Variants in PCDH15 observed in about 807,000 individuals in gnomAD.
PCDH15 encodes the protein protocadherin related 15.
In PCDH15, 129 loss-of-function variants were observed where a neutral mutation model predicts 178.5. The observed-to-expected ratio is 0.72, with a 90% confidence interval of 0.63 to 0.84. The LOEUF is 0.84. Ranked by LOEUF, PCDH15 falls within the 40% of genes least tolerant of loss-of-function variation. PCDH15 has a pLI of 0.00. For missense variants in PCDH15, 2,230 were observed against 2,099.9 expected, an observed-to-expected ratio of 1.06 and a Z score of -1.21; for synonymous variants, 800 against 732.0, an observed-to-expected ratio of 1.09 and a Z score of -1.50.
intron 26 of PCDH15, among the ~76,000 whole-genome samples, chr10:53,891,528 T>C (rs1444263374): frequency 6.6e-6 from 1 of 152,192 alleles, no homozygotes; most frequent in Non-Finnish European, 1.5e-5. Flanking sequence ...CTTTAAAATA[T>C]ATGAGCCACC....
chr10:55,450,804 C>T (rs1450767850), intron 2 of PCDH15, among the ~76,000 whole-genome samples: 2 of 151,892 alleles, frequency 1.3e-5, no homozygotes, highest in African/African-American at 4.8e-5. Context: ...AAAAAAGAGA[C>T]TGGTTCCGAT....
intron 8 of PCDH15, among the ~76,000 whole-genome samples, chr10:54,249,409 T>C (rs1337551456): frequency 6.6e-6 from 1 of 152,170 alleles, no homozygotes; most frequent in African/African-American, 2.4e-5. Context: ...AGAGTGTTGC[T>C]AGTTAAGCAT....
intron 13 of PCDH15, among the ~76,000 whole-genome samples, chr10:54,181,526 C>A (rs1235813614): frequency 6.6e-6 from 1 of 151,982 alleles, no homozygotes; most frequent in African/African-American, 2.4e-5. Context: ...GTTAATTTTT[C>A]AATTGTCTCT....
chr10:54,589,534 T>TTTTATTG (rs2091741112), intron 2 of PCDH15, among the ~76,000 whole-genome samples: 2 of 152,230 alleles, frequency 1.3e-5, no homozygotes, highest in African/African-American at 4.8e-5. Flanking sequence ...TATTTGTTAA[T>TTTTATTG]TTTATTGTTT....
chr10:54,726,571 G>C (rs931982768), intron 1 of PCDH15, among the ~76,000 whole-genome samples: 1 of 151,168 alleles, frequency 6.6e-6, no homozygotes, highest in African/African-American at 2.4e-5. Context: ...TAAAATGAGA[G>C]ATATGGAATT....
rs1332455700 is a variant in PCDH15 at position 54,093,318 on chromosome 10, C to T, written c.1918-3255G>A. Among the ~76,000 whole-genome samples the T allele has an allele frequency of 2.6e-5, 4 of 151,988 alleles. No individual in the cohort carries two copies. In the South Asian group the frequency reaches 6.2e-4, roughly 24 times the overall value. ...TTCATTTTTATCTTTTCACACAATC[C>T]TTTATTGGTGTTCCAGGGTCGAGGG... On this transcript the variant is annotated intron_variant, in intron 15 of 37. Transcript: ENST00000644397.
chr10:54,426,189 C>T (rs111482447), intron 3 of PCDH15, among the ~76,000 whole-genome samples: 7,289 of 152,278 alleles, frequency 0.048, 240 homozygotes, highest in Middle Eastern at 0.13. Context: ...AAAATAACAT[C>T]TAAGACATCT....
chr10:54,259,774 G>A (rs117562154), intron 8 of PCDH15, among the ~76,000 whole-genome samples: 3,832 of 152,128 alleles, frequency 0.025, 58 homozygotes, highest in South Asian at 0.075. Context: ...TTCCAGTCTT[G>A]TAAATTCTAC....
At chr10:55,185,000 T>C (rs1453386246) in intron 1 of PCDH15, among the ~76,000 whole-genome samples, 1 of 151,906 alleles carries the variant, frequency 6.6e-6, no homozygotes, top group Non-Finnish European at 1.5e-5. Flanking sequence ...ATTCTACCAT[T>C]ATTAAGAATT....
intron 2 of PCDH15, among the ~76,000 whole-genome samples, chr10:54,943,425 G>A (rs552020606): frequency 2.4e-4 from 37 of 151,892 alleles, no homozygotes; most frequent in African/African-American, 8.9e-4. Context: ...TTAGGAAGTG[G>A]GTACTATTTT....
chr10:54,995,249 G>A (rs942330377), intron 2 of PCDH15, among the ~76,000 whole-genome samples: 3 of 151,904 alleles, frequency 2.0e-5, no homozygotes, highest in Non-Finnish European at 4.4e-5. Flanking sequence ...GGTCATGGGC[G>A]CCTGTAGTCC....
At chr10:55,459,196 T>C (rs1000070297) in intron 2 of PCDH15, among the ~76,000 whole-genome samples, 1 of 106,766 alleles carries the variant, frequency 9.4e-6, no homozygotes, top group Non-Finnish European at 1.8e-5. Context: ...CCTAAATAAA[T>C]AGAGAGGGCA....
intron 32 of PCDH15, among the ~76,000 whole-genome samples, chr10:53,826,319 T>G (rs1262066182): frequency 6.6e-6 from 1 of 152,074 alleles, no homozygotes; most frequent in Non-Finnish European, 1.5e-5. Context: ...TTAATACGAC[T>G]ATCCTAAACA....
chr10:55,367,135 C>T (rs909997251), intron 2 of PCDH15, among the ~76,000 whole-genome samples: 2 of 152,160 alleles, frequency 1.3e-5, no homozygotes, highest in African/African-American at 4.8e-5. Context: ...CTTCTTCCTT[C>T]CCTCTCCCAT....
intron 1 of PCDH15, among the ~76,000 whole-genome samples, chr10:54,669,104 A>C (rs2094616477): frequency 6.6e-6 from 1 of 152,078 alleles, no homozygotes; most frequent in Non-Finnish European, 1.5e-5. Flanking sequence ...TACCATACTA[A>C]ATATCAATTT....
chr10:54,541,655 G>A (rs1249894588), intron 2 of PCDH15, among the ~76,000 whole-genome samples: 1 of 150,754 alleles, frequency 6.6e-6, no homozygotes. Flanking sequence ...AAATATAAAG[G>A]AGAAAGGAAA....
intron 2 of PCDH15, among the ~76,000 whole-genome samples, chr10:55,572,711 C>A (rs1842429076): frequency 6.6e-6 from 1 of 151,910 alleles, no homozygotes; most frequent in Non-Finnish European, 1.5e-5. Flanking sequence ...ATTTCAGATG[C>A]TATGAGAAAA....
At chr10:54,661,625 G>A (rs566144252) in intron 2 of PCDH15, among the ~76,000 whole-genome samples, 1 of 151,724 alleles carries the variant, frequency 6.6e-6, no homozygotes, top group African/African-American at 2.4e-5. Context: ...ATGAAGTTGG[G>A]GGCATCACAT....
At chr10:54,584,023 T>G (rs2091262988) in intron 2 of PCDH15, among the ~76,000 whole-genome samples, 1 of 152,110 alleles carries the variant, frequency 6.6e-6, no homozygotes, top group Admixed American at 6.6e-5. Context: ...AAGATACACA[T>G]GCTTCAGAAT....
Sources: allele counts gnomAD v4.1 joint callset (sites outside exome capture counted in the v4.1 genomes callset), GRCh38; gene constraint gnomAD v4.1.1; transcripts MANE v1.5; gene names NCBI Gene and HGNC (gene_info 2026-07-23, HGNC 2026-07-21).